ABCA12: variants seen among roughly 807,000 people sequenced by gnomAD.
ABCA12 encodes the protein ATP binding cassette subfamily A member 12, also known as glucosylceramide transporter ABCA12.
In ABCA12, 156 loss-of-function variants were observed where a neutral mutation model predicts 293.5. That is an observed-to-expected ratio of 0.53 (90% CI 0.47 to 0.61). The LOEUF (loss-of-function observed/expected upper bound fraction) is 0.61. Among genes scored for constraint, ABCA12 ranks in the 20% least tolerant of loss-of-function variants. The probability of loss-of-function intolerance (pLI) is 0.00; values close to 1 mark genes in which losing one functional copy is unlikely to be tolerated. For synonymous variants in ABCA12, 1,063 were observed against 1,108.0 expected, an observed-to-expected ratio of 0.96 and a Z score of 0.81; for missense variants, 2,797 against 3,090.2, an observed-to-expected ratio of 0.91 and a Z score of 2.25.
At chr2:215,095,912 C>T (rs1434288120) in intron 2 of ABCA12, among the ~76,000 whole-genome samples, 1 of 150,216 alleles carries the variant, frequency 6.7e-6, no homozygotes, top group Non-Finnish European at 1.5e-5. Context: ...AACTGCCCCA[C>T]CCCTATCTTC....
chr2:215,012,032 A>G lies in ABCA12; in HGVS notation c.2060T>C (p.Leu687Pro), dbSNP rs1700388929. ...CTTCAGGGATCTCATTTTGTCTAGC[A>G]GCGGATGTGTGCCAGAAGCCATCTG... ...LNQMASGTHP[L>P]LDKMRSLKQM... The change falls in exon 16 of 53, where the codon CTG becomes CCG. Residue 687 changes from leucine (L) to proline (P), a missense_variant. Around this residue, in one of 3 missense-constraint regions of ABCA12, gnomAD observed 2,130 missense variants for 2,427.0 expected, o/e 0.88. Coordinates refer to ENST00000272895, the MANE Select transcript of ABCA12 (RefSeq NM_173076.3). The G allele has an allele frequency of 6.2e-7, 1 of 1,613,934 alleles. No homozygotes were observed. The highest frequency in any genetic ancestry group is 8.5e-7 in the Non-Finnish European group (1 of 1,179,960).
intron 6 of ABCA12, among the ~76,000 whole-genome samples, chr2:215,046,442 T>C (rs934334664): frequency 2.7e-5 from 4 of 148,512 alleles, no homozygotes; most frequent in Non-Finnish European, 5.9e-5. Context: ...AATATATAGA[T>C]TAGTAGAGAT....
At chr2:215,079,819 G>T (rs1258496252) in intron 2 of ABCA12, among the ~76,000 whole-genome samples, 1 of 152,136 alleles carries the variant, frequency 6.6e-6, no homozygotes, top group Non-Finnish European at 1.5e-5. Flanking sequence ...CCAGGCAAGT[G>T]GCTTTCAACA....
intron 28 of ABCA12, among the ~76,000 whole-genome samples, chr2:214,985,763 C>T (rs1316558780): frequency 6.6e-6 from 1 of 152,178 alleles, no homozygotes; most frequent in Non-Finnish European, 1.5e-5. Context: ...AGATATGCAG[C>T]AACTGATCCT....
intron 35 of ABCA12, among the ~76,000 whole-genome samples, 196 bp downstream of exon 35, chr2:214,974,582 C>A (rs1026199773): frequency 6.6e-6 from 1 of 152,042 alleles, no homozygotes; most frequent in African/African-American, 2.4e-5. Context: ...AATCATAAGA[C>A]ATCTAATATT....
At chr2:215,045,604 C>G (rs1370862460) in intron 7 of ABCA12, among the ~76,000 whole-genome samples, 1 of 152,172 alleles carries the variant, frequency 6.6e-6, no homozygotes, top group African/African-American at 2.4e-5. Context: ...AACAATACAA[C>G]AGTTAGGATC....
chr2:215,075,381 G>A (rs1044165860), intron 2 of ABCA12: 1 of 530,676 alleles, frequency 1.9e-6, no homozygotes, highest in African/African-American at 2.0e-5. Flanking sequence ...AGTAACCTGA[G>A]CTAACTTATG....
chr2:214,943,090 A>G, intron 49 of ABCA12, 73 bp from the exon 50 acceptor site: 1 of 1,162,922 alleles, frequency 8.6e-7, no homozygotes, highest in Non-Finnish European at 1.3e-6. Context: ...GAGCATAAGC[A>G]TAATTGTTTC....
chr2:215,017,937 C>T (rs1454008900), intron 14 of ABCA12, 71 bp downstream of exon 14: 55 of 1,599,290 alleles, frequency 3.4e-5, no homozygotes, highest in Non-Finnish European at 4.4e-5. Context: ...AACTGGTAAG[C>T]GCTCAACAAA....
Position 214,966,932 on chromosome 2 carries a change from A to G in ABCA12, c.5800T>C (p.Tyr1934His). The G allele has an allele frequency of 6.2e-7, 1 of 1,613,784 alleles. No homozygotes were observed. Residue 1934 changes from tyrosine (Y) to histidine (H), a missense_variant, in exon 39 of 53, where the codon TAT becomes CAT. Tyr to His is a moderately conservative substitution (Grantham distance 83, BLOSUM62 2). Coordinates refer to ENST00000272895, the MANE Select transcript of ABCA12 (RefSeq NM_173076.3). ...TTGAGGTAAGCTGGAAGGGAGTGATAGCCTTCTGGATCATACCATACCTAT... is the reference window on the plus strand; with the variant it reads ...TTGAGGTAAGCTGGAAGGGAGTGATGGCCTTCTGGATCATACCATACCTAT... ...LAKVWYDPEG[Y>H]HSLPAYLNSL...
intron 3 of ABCA12, among the ~76,000 whole-genome samples, chr2:215,059,018 T>C (rs1009756572): frequency 6.6e-6 from 1 of 152,012 alleles, no homozygotes. Context: ...TGGTACTGTG[T>C]GCCATGGCAT....
intron 2 of ABCA12, among the ~76,000 whole-genome samples, chr2:215,095,782 G>C (rs1702238146): frequency 1.3e-5 from 2 of 152,220 alleles, no homozygotes; most frequent in Admixed American, 6.5e-5. Flanking sequence ...ACATTACCTT[G>C]TGAAATTTCT....
intron 8 of ABCA12, among the ~76,000 whole-genome samples, chr2:215,033,558 A>C (rs557073766): frequency 1.1e-4 from 16 of 152,328 alleles, no homozygotes; most frequent in Admixed American, 8.5e-4. Flanking sequence ...ATACTATACT[A>C]AACAGTCCTT....
At chr2:214,982,859 C>T (rs1410142906) in intron 29 of ABCA12, among the ~76,000 whole-genome samples, 1 of 151,686 alleles carries the variant, frequency 6.6e-6, no homozygotes, top group Non-Finnish European at 1.5e-5. Flanking sequence ...GTGATAAGTG[C>T]AATTAAAAAA....
intron 7 of ABCA12, chr2:215,039,085 C>T (rs2106039925): frequency 6.6e-6 from 1 of 152,280 alleles, no homozygotes; most frequent in African/African-American, 2.4e-5. Context: ...CTCAGCATAG[C>T]CTTCATCTCA....
At chr2:215,021,435 T>C (rs770469232) in intron 11 of ABCA12, among the ~76,000 whole-genome samples, 1 of 152,214 alleles carries the variant, frequency 6.6e-6, no homozygotes, top group Non-Finnish European at 1.5e-5. Flanking sequence ...ATCCTGTCAA[T>C]GATATTCCTC....
At chr2:214,949,377 T>TATATACAC (rs1021376185) in intron 45 of ABCA12, among the ~76,000 whole-genome samples, 1 of 143,074 alleles carries the variant, frequency 7.0e-6, no homozygotes, top group African/African-American at 2.7e-5. Context: ...TATATATATA[T>TATATACAC]ACACACACAC....
At chr2:215,098,252 C>T (rs977384476) in intron 2 of ABCA12, among the ~76,000 whole-genome samples, 1 of 152,122 alleles carries the variant, frequency 6.6e-6, no homozygotes, top group African/African-American at 2.4e-5. Flanking sequence ...CCCCACACCC[C>T]CTGCAATATT....
At chr2:214,997,605 C>T (rs1559137834) in intron 23 of ABCA12, 90 bp downstream of exon 23, 13 of 988,892 alleles carry the variant, frequency 1.3e-5, no homozygotes, top group Non-Finnish European at 1.9e-5. Flanking sequence ...ATAAGTTAGG[C>T]TTTCTGAAGT....
Sources: gnomAD v4.1 joint callset for allele counts (sites outside exome capture counted in the v4.1 genomes callset) on GRCh38, gnomAD v4.1.1 for gene constraint, gnomAD v4.1.1 regional missense constraint, MANE v1.5 for transcripts, NCBI Gene and HGNC (gene_info 2026-07-23, HGNC 2026-07-21) for gene names.